The following HTR1F variants were observed in gnomAD, a reference collection of about 807,000 sequenced individuals.
HTR1F encodes the protein 5-hydroxytryptamine (serotonin) receptor 1F, G protein-coupled.
Under a neutral mutation model 24.0 loss-of-function variants are expected in HTR1F, and 17 were observed. The ratio of observed to expected loss-of-function variants is 0.71; its 90% CI spans 0.48 to 1.06. HTR1F has a LOEUF of 1.06. HTR1F is among the 50% of genes least tolerant of loss of function. The probability of loss-of-function intolerance (pLI) is 0.00; values close to 1 mark genes in which losing one functional copy is unlikely to be tolerated. For synonymous variants in HTR1F, 186 were observed against 156.8 expected (o/e 1.19, Z -1.39); for missense variants, 391 against 427.8 (o/e 0.91, Z 0.76).
chr3:87,863,929 C>G (rs1436310247), intron 2 of HTR1F, among the ~76,000 whole-genome samples: 1 of 152,188 alleles, frequency 6.6e-6, no homozygotes, highest in Non-Finnish European at 1.5e-5. Flanking sequence ...TTCTGAAGAC[C>G]TTCAACCCAG....
intron 2 of HTR1F, among the ~76,000 whole-genome samples, chr3:87,989,511 C>G (rs919481492): frequency 6.6e-6 from 1 of 152,138 alleles, no homozygotes; most frequent in Non-Finnish European, 1.5e-5. Flanking sequence ...TGACATTTTC[C>G]TAATTTCATA....
At chr3:87,970,576 A>G (rs1343455609) in intron 2 of HTR1F, among the ~76,000 whole-genome samples, 1 of 152,186 alleles carries the variant, frequency 6.6e-6, no homozygotes, top group Non-Finnish European at 1.5e-5. Context: ...CTGTGGGCTG[A>G]GAACCAAAAA....
chr3:87,933,316 C>T (rs1704329575), intron 2 of HTR1F, among the ~76,000 whole-genome samples: 1 of 150,542 alleles, frequency 6.6e-6, no homozygotes, highest in Admixed American at 6.6e-5. Flanking sequence ...CCCTCTCTCA[C>T]CACTCCTATT....
intron 1 of HTR1F, among the ~76,000 whole-genome samples, chr3:87,798,083 A>G (rs554878169): frequency 1.3e-5 from 2 of 152,188 alleles, no homozygotes; most frequent in Non-Finnish European, 2.9e-5. Flanking sequence ...AGTTGATGGC[A>G]TCATAAAGTC....
intron 1 of HTR1F, chr3:87,793,427 A>G (rs1703850719): frequency 6.6e-6 from 1 of 152,110 alleles, no homozygotes; most frequent in South Asian, 2.1e-4. Flanking sequence ...CATTAAGGTA[A>G]AAGGGTCAGA....
intron 2 of HTR1F, among the ~76,000 whole-genome samples, chr3:87,845,426 C>T (rs1196250045): frequency 2.7e-5 from 4 of 148,874 alleles, no homozygotes; most frequent in South Asian, 2.1e-4. Flanking sequence ...ACAAGCATTC[C>T]TATACACCAA....
chr3:87,889,860 T>A (rs1184714353), intron 2 of HTR1F, among the ~76,000 whole-genome samples: 1 of 152,250 alleles, frequency 6.6e-6, no homozygotes, highest in Non-Finnish European at 1.5e-5. Flanking sequence ...TGATAGCTTT[T>A]GAGTTTAGAT....
intron 1 of HTR1F, among the ~76,000 whole-genome samples, chr3:87,798,112 C>T (rs896312034): frequency 1.3e-5 from 2 of 152,108 alleles, no homozygotes; most frequent in South Asian, 2.1e-4. Context: ...TAATGTCATT[C>T]GGATCATCAC....
rs556165768 is a variant in HTR1F at position 87,952,753 on chromosome 3, G to C, written c.-42-37955G>C. 1.7e-3 allele frequency among the ~76,000 whole-genome samples: 252 copies of C among 151,858 alleles called. 1 individual carries two copies. Among genetic ancestry groups the C allele is most frequent in the Non-Finnish European group, 2.8e-3 (190 of 67,788 alleles). ...AATATTTATAATCAATATAATGCAAGCTTTCGGATGGTGAAAAGCAATGGT... is the reference window on the plus strand; with the variant it reads ...AATATTTATAATCAATATAATGCAACCTTTCGGATGGTGAAAAGCAATGGT... On this transcript the variant is annotated intron_variant, in intron 2 of 2. Coordinates refer to ENST00000319595, the MANE Select transcript of HTR1F (RefSeq NM_001322209.2).
intron 1 of HTR1F, among the ~76,000 whole-genome samples, chr3:87,802,813 T>G (rs1704016159): frequency 6.6e-6 from 1 of 152,176 alleles, no homozygotes; most frequent in African/African-American, 2.4e-5. Flanking sequence ...TTTCATGCCT[T>G]TTTATTAAAT....
At chr3:87,933,490 A>G (rs1219417028) in intron 2 of HTR1F, among the ~76,000 whole-genome samples, 3 of 152,242 alleles carry the variant, frequency 2.0e-5, no homozygotes, top group African/African-American at 7.2e-5. Flanking sequence ...TAAGCTGATA[A>G]GCAACTTCAG....
At chr3:87,840,292 T>C (rs1704773376) in intron 2 of HTR1F, among the ~76,000 whole-genome samples, 1 of 152,114 alleles carries the variant, frequency 6.6e-6, no homozygotes, top group African/African-American at 2.4e-5. Context: ...ATATTTTCTA[T>C]AGAAGTCATG....
chr3:87,860,103 C>T (rs1218200699), intron 2 of HTR1F, among the ~76,000 whole-genome samples: 7 of 152,134 alleles, frequency 4.6e-5, no homozygotes, highest in Non-Finnish European at 1.0e-4. Flanking sequence ...AAATACTCTG[C>T]ATAGATATAG....
Position 87,992,411 on chromosome 3 carries a change from A to AT in HTR1F, c.*563dup, listed in dbSNP as rs1213290799. 1 of 167,080 alleles carries AT rather than the reference A, an allele frequency of 6.0e-6. No individual in the cohort carries two copies. 10.3% of individuals were successfully genotyped at this position (167,080 alleles called of 1,614,324 possible). ...AAATGTAAAAAAGTCAGAGCTTGAA[A>AT]TTGTCCTTGTGTTTAGGTAGCAAAG... On this transcript the variant is annotated 3_prime_UTR_variant, in exon 3 of 3. Transcript: ENST00000319595.
rs377443882 is a variant in HTR1F, at chr3:87,980,188, G to A, written c.-42-10520G>A. Among the ~76,000 whole-genome samples, 13 of 152,316 alleles carry A rather than the reference G, an allele frequency of 8.5e-5. No individual in the cohort carries two copies. The East Asian group carries it at 1.9e-3, about 23-fold the overall frequency. On this transcript the variant is annotated intron_variant, in intron 2 of 2. Transcript: ENST00000319595. ...CAACTGGAGAGTGAACAAGGCAAAG[G>A]AATGCTTTATTGAGCAATATTACAG...
At chr3:87,802,560 A>G (rs1019846704) in intron 1 of HTR1F, among the ~76,000 whole-genome samples, 3 of 151,856 alleles carry the variant, frequency 2.0e-5, no homozygotes, top group African/African-American at 4.8e-5. Flanking sequence ...TGCCTAGGCT[A>G]GTCTTAAATT....
chr3:87,952,486 T>C (rs1401981597), intron 2 of HTR1F, among the ~76,000 whole-genome samples: 2 of 151,958 alleles, frequency 1.3e-5, no homozygotes, highest in Non-Finnish European at 2.9e-5. Flanking sequence ...AAAAATAGTG[T>C]CTTCCTCATA....
intron 1 of HTR1F, among the ~76,000 whole-genome samples, chr3:87,804,300 G>A (rs1183497579): frequency 6.6e-6 from 1 of 152,050 alleles, no homozygotes; most frequent in Non-Finnish European, 1.5e-5. Context: ...AGCTAGGCTT[G>A]GTGGTGCATG....
At chr3:87,955,930 T>C (rs1034412480) in intron 2 of HTR1F, among the ~76,000 whole-genome samples, 3 of 151,460 alleles carry the variant, frequency 2.0e-5, no homozygotes, top group African/African-American at 7.2e-5. Context: ...GAGATCTGTA[T>C]ATGGTCTGGA....
Sources: gnomAD v4.1 joint callset for allele counts (sites outside exome capture counted in the v4.1 genomes callset) on GRCh38, gnomAD v4.1.1 for gene constraint, MANE v1.5 for transcripts, NCBI Gene and HGNC (gene_info 2026-07-23, HGNC 2026-07-21) for gene names.